Variants in LRRC4C observed in about 807,000 individuals in gnomAD.
LRRC4C encodes leucine-rich repeat-containing protein 4C.
LRRC4C carries 5 observed loss-of-function variants against 33.6 expected under a neutral mutation model. The observed-to-expected ratio is 0.15, with a 90% confidence interval of 0.08 to 0.31. The LOEUF is 0.31. Among genes scored for constraint, LRRC4C ranks in the 10% least tolerant of loss-of-function variants. The pLI is 1.00. For missense variants in LRRC4C, 560 were observed against 796.7 expected, an observed-to-expected ratio of 0.70 and a Z score of 3.58; for synonymous variants, 329 against 302.0, an observed-to-expected ratio of 1.09 and a Z score of -0.93.
intron 1 of LRRC4C, among the ~76,000 whole-genome samples, chr11:41,077,996 G>T (rs1449943362): frequency 6.6e-6 from 1 of 152,154 alleles, no homozygotes; most frequent in Non-Finnish European, 1.5e-5. Context: ...AAGTTCCACA[G>T]ATCTCTAGGG....
chr11:40,629,314 C>T (rs1376032054), intron 3 of LRRC4C, among the ~76,000 whole-genome samples: 1 of 152,064 alleles, frequency 6.6e-6, no homozygotes, highest in Non-Finnish European at 1.5e-5. Flanking sequence ...GCTTACTGGG[C>T]TGTTTTGTAA....
At chr11:40,968,989 G>T (rs999355939) in intron 1 of LRRC4C, among the ~76,000 whole-genome samples, 1 of 152,072 alleles carries the variant, frequency 6.6e-6, no homozygotes, top group Non-Finnish European at 1.5e-5. Context: ...TTCTTTAATG[G>T]ATCTTGGGAG....
intron 3 of LRRC4C, among the ~76,000 whole-genome samples, chr11:40,572,195 A>G (rs1958009029): frequency 6.6e-6 from 1 of 152,214 alleles, no homozygotes; most frequent in Non-Finnish European, 1.5e-5. Context: ...AAAATGGAAT[A>G]CACTATTGCT....
chr11:41,366,962 T>C (rs1416783775), intron 1 of LRRC4C, among the ~76,000 whole-genome samples: 1 of 152,196 alleles, frequency 6.6e-6, no homozygotes, highest in African/African-American at 2.4e-5. Context: ...ATGATGTTAA[T>C]AGAGACCAAA....
intron 2 of LRRC4C, among the ~76,000 whole-genome samples, chr11:40,682,557 C>T (rs895458139): frequency 2.0e-5 from 3 of 151,992 alleles, no homozygotes; most frequent in Non-Finnish European, 4.4e-5. Flanking sequence ...AGGTAGATCA[C>T]CTGAGATCAG....
chr11:40,610,339 C>A (rs181173347), intron 3 of LRRC4C, among the ~76,000 whole-genome samples: 2 of 151,754 alleles, frequency 1.3e-5, no homozygotes, highest in Middle Eastern at 3.4e-3. Context: ...TAAAAACACT[C>A]AACACACTAG....
At chr11:40,547,511 G>T (rs894058498) in intron 3 of LRRC4C, among the ~76,000 whole-genome samples, 4 of 152,038 alleles carry the variant, frequency 2.6e-5, no homozygotes, top group African/African-American at 9.7e-5. Flanking sequence ...ACCACCTGGT[G>T]CCTGGTACCC....
chr11:40,348,713 T>C (rs759961157), intron 3 of LRRC4C, among the ~76,000 whole-genome samples: 1 of 152,190 alleles, frequency 6.6e-6, no homozygotes, highest in Non-Finnish European at 1.5e-5. Context: ...TGTAACTCTT[T>C]CTAATGACTT....
chr11:40,532,074 A>G (rs1455085328), intron 3 of LRRC4C, among the ~76,000 whole-genome samples: 1 of 149,774 alleles, frequency 6.7e-6, no homozygotes, highest in Admixed American at 6.7e-5. Context: ...CATAAACTAG[A>G]AACCATTGCA....
At chr11:41,322,391 T>C (rs75804912) in intron 1 of LRRC4C, among the ~76,000 whole-genome samples, 3 of 152,148 alleles carry the variant, frequency 2.0e-5, no homozygotes, top group Non-Finnish European at 2.9e-5. Context: ...ATTTTTTTTT[T>C]CTCAACCCAG....
chr11:41,272,092 G>T (rs926424550), intron 1 of LRRC4C, among the ~76,000 whole-genome samples: 3 of 152,140 alleles, frequency 2.0e-5, no homozygotes, highest in Non-Finnish European at 4.4e-5. Context: ...AAAAAGGAAA[G>T]GAAGTTTGAA....
chr11:41,416,076 C>A (rs989219708), intron 1 of LRRC4C, among the ~76,000 whole-genome samples: 1 of 151,960 alleles, frequency 6.6e-6, no homozygotes, highest in Non-Finnish European at 1.5e-5. Flanking sequence ...TAGGAAGCTG[C>A]ATCATATCCC....
At chr11:40,516,014 A>T (rs1955545003) in intron 3 of LRRC4C, among the ~76,000 whole-genome samples, 4 of 152,054 alleles carry the variant, frequency 2.6e-5, no homozygotes, top group Admixed American at 2.6e-4. Flanking sequence ...GAGGTTTGAG[A>T]TTATATCCTC....
chr11:40,522,442 C>G (rs1955860108), intron 3 of LRRC4C, among the ~76,000 whole-genome samples: 1 of 152,090 alleles, frequency 6.6e-6, no homozygotes, highest in African/African-American at 2.4e-5. Flanking sequence ...GTGTGAGGGA[C>G]CCAGTGGGAG....
Position 41,123,256 on chromosome 11 carries a change from G to GTTTTTTTTTTTTTTT in LRRC4C, c.-495-189534_-495-189533insAAAAAAAAAAAAAAA, listed in dbSNP as rs1456350828. On this transcript the variant is annotated intron_variant, in intron 1 of 6. Coordinates refer to ENST00000528697, the MANE Select transcript of LRRC4C (RefSeq NM_001258419.2). ...AAATGCTTTCTCTATCCTGAGCTAT[G>GTTTTTTTTTTTTTTT]TTTTGTTTTTTTTTTTTTTTTTTTT... is the stretch of plus-strand genomic sequence containing the variant. Among the ~76,000 whole-genome samples the GTTTTTTTTTTTTTTT allele has an allele frequency of 9.3e-5, 10 of 107,146 alleles. 2 individuals are homozygous for GTTTTTTTTTTTTTTT. Among genetic ancestry groups the GTTTTTTTTTTTTTTT allele is most frequent in the African/African-American group, 2.4e-4 (6 of 25,348 alleles). The allele number at this position is 107,146 out of a possible 152,430, so 70.3% of individuals were successfully genotyped here. A position where few individuals can be genotyped will look rare whatever the true frequency, so the allele number is the denominator to read the frequency against.
intron 2 of LRRC4C, among the ~76,000 whole-genome samples, chr11:40,704,060 C>A (rs1946018441): frequency 2.6e-5 from 4 of 151,842 alleles, no homozygotes; most frequent in Admixed American, 1.3e-4. Context: ...TGGAGGACAG[C>A]AAAATGTAAC....
chr11:41,019,248 C>T (rs1393350969), intron 1 of LRRC4C, among the ~76,000 whole-genome samples: 1 of 152,104 alleles, frequency 6.6e-6, no homozygotes, highest in African/African-American at 2.4e-5. Flanking sequence ...TCAACTCTCA[C>T]TTATGAGTGA....
chr11:40,120,588 C>T (rs561561816), intron 6 of LRRC4C, among the ~76,000 whole-genome samples: 1 of 152,132 alleles, frequency 6.6e-6, no homozygotes, highest in African/African-American at 2.4e-5. Flanking sequence ...GATACATAAG[C>T]AAATTAATAT....
chr11:40,579,790 T>C (rs1382869551), intron 3 of LRRC4C, among the ~76,000 whole-genome samples: 1 of 152,170 alleles, frequency 6.6e-6, no homozygotes, highest in African/African-American at 2.4e-5. Flanking sequence ...AACTGCTGGT[T>C]CTTCTTCTAC....
Sources: gnomAD v4.1 joint callset for allele counts (sites outside exome capture counted in the v4.1 genomes callset) on GRCh38, gnomAD v4.1.1 for gene constraint, MANE v1.5 for transcripts, NCBI Gene and HGNC (gene_info 2026-07-23, HGNC 2026-07-21) for gene names.